Variants in CPA6 observed in about 807,000 individuals in gnomAD.
CPA6 encodes the protein carboxypeptidase B.
In CPA6, 58 loss-of-function variants were observed where a neutral mutation model predicts 63.3. The ratio of observed to expected loss-of-function variants is 0.92; its 90% confidence interval spans 0.74 to 1.14. The LOEUF is 1.14. Among genes scored for constraint, CPA6 ranks in the 50% most tolerant of loss-of-function variants. The probability of loss-of-function intolerance (pLI) is 0.00; values close to 1 mark genes in which losing one functional copy is unlikely to be tolerated. For missense variants in CPA6, 565 were observed against 526.6 expected, an observed-to-expected ratio of 1.07 and a Z score of -0.71; for synonymous variants, 185 against 179.0, an observed-to-expected ratio of 1.03 and a Z score of -0.27.
At chr8:67,653,718 A>T (rs1443265491) in intron 1 of CPA6, among the ~76,000 whole-genome samples, 3 of 151,936 alleles carry the variant, frequency 2.0e-5, no homozygotes, top group African/African-American at 2.4e-5. Context: ...TCTTTTCCTA[A>T]TTGAATACCC....
chr8:67,518,466 C>T (rs1325606003), intron 2 of CPA6, among the ~76,000 whole-genome samples: 3 of 150,904 alleles, frequency 2.0e-5, no homozygotes, highest in Non-Finnish European at 4.4e-5. Flanking sequence ...TCAAATGGAA[C>T]ATTCTCTCAT....
rs559218513 is a variant in CPA6, at chr8:67,496,829, G to A, written c.636+9958C>T. On this transcript the variant is annotated intron_variant, in intron 6 of 10. Coordinates refer to ENST00000297770, the MANE Select transcript of CPA6 (RefSeq NM_020361.5). ...CCACCTTGGCCTCCCAAAGTGCTGG[G>A]ATTACAGGCGTGAGCCACGGTGCCT... 5.9e-5 allele frequency among the ~76,000 whole-genome samples: 9 copies of A among 151,982 alleles called. No homozygotes were observed. The South Asian group carries it at 1.9e-3, about 32-fold the overall frequency.
At chr8:67,456,145 T>A (rs1309893765) in intron 8 of CPA6, among the ~76,000 whole-genome samples, 1 of 152,236 alleles carries the variant, frequency 6.6e-6, no homozygotes, top group Non-Finnish European at 1.5e-5. Flanking sequence ...GAGGACAAAA[T>A]TTAGTAATAA....
At chr8:67,739,518 C>G (rs1473117939) in intron 1 of CPA6, among the ~76,000 whole-genome samples, 1 of 152,180 alleles carries the variant, frequency 6.6e-6, no homozygotes, top group Non-Finnish European at 1.5e-5. Flanking sequence ...TCCTAACGCC[C>G]CCAAATGTAG....
At position 67,673,415 on chromosome 8, in the gene CPA6, G is replaced by A. The variant is rs1306316575; in HGVS notation, c.117-49164C>T. ...TTTTTTTTTTTTGAGACTGAATCTC[G>A]CTCTGTCACCCAGGCTGGAGTGCAG... is the stretch of plus-strand genomic sequence containing the variant. On this transcript the variant is annotated intron_variant, in intron 1 of 10. Transcript: ENST00000297770. Among the ~76,000 whole-genome samples the A allele has an allele frequency of 1.1e-3, 155 of 139,572 alleles. 1 individual carries two copies. Among genetic ancestry groups the A allele is most frequent in the African/African-American group, 4.2e-3 (152 of 36,444 alleles). The allele number at this position is 139,572 out of a possible 152,430, so 91.6% of individuals were successfully genotyped here. A position where few individuals can be genotyped will look rare whatever the true frequency, so the allele number is the denominator to read the frequency against.
In CPA6 at chr8:67,626,711, C is replaced by G. The variant is rs138695528; in HGVS notation, c.117-2460G>C. Reference sequence around the variant, plus strand: ...CTTTCTCATCTGACCCAATACAATTCTTGGCAGAGAAAGCAAGCTCGGCTG... The same window carrying G: ...CTTTCTCATCTGACCCAATACAATTGTTGGCAGAGAAAGCAAGCTCGGCTG... On this transcript the variant is annotated intron_variant, in intron 1 of 10. Transcript: ENST00000297770. Among the ~76,000 whole-genome samples, 570 of 152,214 alleles carry G rather than the reference C, an allele frequency of 3.7e-3. 3 individuals carry two copies. The highest frequency in any genetic ancestry group is 0.013 in the African/African-American group (527 of 41,534).
intron 1 of CPA6, among the ~76,000 whole-genome samples, chr8:67,625,932 G>A (rs1815184323): frequency 1.3e-5 from 2 of 152,124 alleles, no homozygotes; most frequent in Admixed American, 6.5e-5. Context: ...CTTGGTGGAA[G>A]GTGATTGGTT....
chr8:67,441,968 G>A (rs912110321), intron 8 of CPA6, among the ~76,000 whole-genome samples: 1 of 152,024 alleles, frequency 6.6e-6, no homozygotes, highest in Non-Finnish European at 1.5e-5. Context: ...TGAACAGTGG[G>A]GGAAAAGGAC....
Position 67,716,830 on chromosome 8 carries a change from A to G in CPA6, c.116+29184T>C, listed in dbSNP as rs144641421. ...TCCTTTTGCAGCCTTTATCTTATTC[A>G]TCACTGTATTTTCAGCCAGCTGTTC... On this transcript the variant is annotated intron_variant, in intron 1 of 10. Transcript: ENST00000297770. Among the ~76,000 whole-genome samples the G allele has an allele frequency of 5.5e-4, 83 of 152,220 alleles. 1 individual carries two copies. Among genetic ancestry groups the G allele is most frequent in the Middle Eastern group, 3.4e-3 (1 of 294 alleles).
At chr8:67,727,447 C>G (rs1817618149) in intron 1 of CPA6, among the ~76,000 whole-genome samples, 1 of 152,150 alleles carries the variant, frequency 6.6e-6, no homozygotes, top group South Asian at 2.1e-4. Flanking sequence ...CACTGCCCCC[C>G]TTAACCCCCA....
At chr8:67,567,784 G>A (rs541783351) in intron 2 of CPA6, among the ~76,000 whole-genome samples, 1 of 152,330 alleles carries the variant, frequency 6.6e-6, no homozygotes, top group Admixed American at 6.5e-5. Flanking sequence ...AGGGCTCATA[G>A]TTTCTACAGT....
chr8:67,557,480 G>C (rs1023943701), intron 2 of CPA6, among the ~76,000 whole-genome samples: 6 of 152,130 alleles, frequency 3.9e-5, no homozygotes, highest in Admixed American at 1.3e-4. Flanking sequence ...GCATCAGTTG[G>C]CTCTAGTAGC....
In CPA6 at chr8:67,746,233, T is replaced by C. The variant is rs1418949993; in HGVS notation, c.-104A>G. 1 of 727,440 alleles carries C rather than the reference T, an allele frequency of 1.4e-6. No individual in the cohort carries two copies. Among genetic ancestry groups the C allele is most frequent in the East Asian group, 2.8e-5 (1 of 35,662 alleles). The allele number at this position is 727,440 out of a possible 1,614,324, so 45.1% of individuals were successfully genotyped here. On this transcript the variant is annotated 5_prime_UTR_variant, in exon 1 of 11. Transcript: ENST00000297770. ...CCGCACAGGTTCTCCGGGAAGGGGGTGGGCGAGGAAGGTTGAGAGTGAGCA... is the reference window on the plus strand; with the variant it reads ...CCGCACAGGTTCTCCGGGAAGGGGGCGGGCGAGGAAGGTTGAGAGTGAGCA...
intron 6 of CPA6, among the ~76,000 whole-genome samples, chr8:67,504,832 G>T (rs1347345972): frequency 6.6e-6 from 1 of 152,194 alleles, no homozygotes; most frequent in East Asian, 1.9e-4. Context: ...GAGGTGTGGG[G>T]AGGGTAGCAG....
intron 2 of CPA6, among the ~76,000 whole-genome samples, chr8:67,531,964 G>A (rs1314918032): frequency 2.0e-5 from 3 of 152,188 alleles, no homozygotes; most frequent in African/African-American, 7.2e-5. Flanking sequence ...AGAAGTCAGT[G>A]TAGAGAAATT....
At chr8:67,548,075 C>T (rs935642667) in intron 2 of CPA6, among the ~76,000 whole-genome samples, 2 of 150,600 alleles carry the variant, frequency 1.3e-5, no homozygotes, top group Non-Finnish European at 3.0e-5. Context: ...TCTTTTTTTT[C>T]TTTTCTTTTC....
At chr8:67,495,205 T>G (rs74811497) in intron 6 of CPA6, among the ~76,000 whole-genome samples, 2,060 of 152,274 alleles carry the variant, frequency 0.014, 55 homozygotes, top group African/African-American at 0.046. Context: ...CTCCCCCAAC[T>G]TCAATGACAC....
intron 1 of CPA6, among the ~76,000 whole-genome samples, chr8:67,644,122 A>T (rs895673442): frequency 4.2e-5 from 6 of 144,348 alleles, no homozygotes; most frequent in African/African-American, 5.1e-5. Flanking sequence ...TTGCTGTCTT[A>T]TTTTTTTTTT....
intron 1 of CPA6, among the ~76,000 whole-genome samples, chr8:67,647,746 A>G (rs1327268285): frequency 6.6e-6 from 1 of 152,208 alleles, no homozygotes; most frequent in East Asian, 1.9e-4. Flanking sequence ...CTTACATTAC[A>G]GGAAGAAAGG....
Sources: allele counts gnomAD v4.1 joint callset (sites outside exome capture counted in the v4.1 genomes callset), GRCh38; gene constraint gnomAD v4.1.1; transcripts MANE v1.5; gene names NCBI Gene and HGNC (gene_info 2026-07-23, HGNC 2026-07-21).